The following CSNK1A1 variants were observed in gnomAD, a reference collection of about 807,000 sequenced individuals.
CSNK1A1 encodes the protein casein kinase 1 alpha 1.
In CSNK1A1, 7 loss-of-function variants were observed where a neutral mutation model predicts 46.1. The ratio of observed to expected loss-of-function variants is 0.15; its 90% CI spans 0.09 to 0.29. The LOEUF is 0.29. CSNK1A1 is among the 10% of genes least tolerant of loss of function. The pLI is 1.00. For synonymous variants in CSNK1A1, 137 were observed against 141.5 expected, an observed-to-expected ratio of 0.97 and a Z score of 0.23; for missense variants, 96 against 417.1, an observed-to-expected ratio of 0.23 and a Z score of 6.71.
intron 2 of CSNK1A1, among the ~76,000 whole-genome samples, chr5:149,542,659 TA>T (rs1561772745): frequency 0.016 from 304 of 18,518 alleles, 49 homozygotes; most frequent in Non-Finnish European, 0.02. Flanking sequence ...TATATATATA[TA>T]TATATATATA....
At chr5:149,522,153 G>A (rs1761591287) in intron 3 of CSNK1A1, among the ~76,000 whole-genome samples, 1 of 151,958 alleles carries the variant, frequency 6.6e-6, no homozygotes, top group Admixed American at 6.6e-5. Context: ...TGTCACCCTG[G>A]CTGGGGTGCA....
intron 5 of CSNK1A1, among the ~76,000 whole-genome samples, chr5:149,512,457 T>A (rs944819406): frequency 2.6e-5 from 4 of 152,280 alleles, no homozygotes; most frequent in Admixed American, 2.6e-4. Flanking sequence ...TGGAGGCATA[T>A]CATTGTTTTT....
chr5:149,516,305 C>G (rs1761401302), intron 4 of CSNK1A1, among the ~76,000 whole-genome samples: 1 of 151,768 alleles, frequency 6.6e-6, no homozygotes, highest in Non-Finnish European at 1.5e-5. Context: ...GCCTGGGCAA[C>G]AGAGTGAAAC....
chr5:149,551,084 G>T lies in CSNK1A1; in HGVS notation c.-120C>A. ...GGAGGGCGGCAGGAAACGGAACACG[G>T]AGGCCTTTACCGGGGTTCGGGGCCC... On this transcript the variant is annotated 5_prime_UTR_variant, in exon 1 of 10. Transcript: ENST00000377843. The T allele has an allele frequency of 3.5e-6, 4 of 1,140,602 alleles. No homozygotes were observed. In the Admixed American group the frequency reaches 8.6e-5, roughly 24 times the overall value. The allele number at this position is 1,140,602 out of a possible 1,614,324, so 70.7% of individuals were successfully genotyped here.
At chr5:149,509,704 G>A (rs558037814) in intron 7 of CSNK1A1, among the ~76,000 whole-genome samples, 175 bp downstream of exon 7, 14 of 152,058 alleles carry the variant, frequency 9.2e-5, no homozygotes, top group Middle Eastern at 3.4e-3. Flanking sequence ...GTGCCCAGCC[G>A]GATCATTTAT....
intron 9 of CSNK1A1, chr5:149,504,381 C>T (rs1760963301): frequency 2.0e-6 from 2 of 977,496 alleles, no homozygotes; most frequent in South Asian, 9.5e-5. Flanking sequence ...AAATACAACA[C>T]TAAAAATGTG....
chr5:149,534,482 C>CAAAAAAA (rs10597922), intron 2 of CSNK1A1, among the ~76,000 whole-genome samples: 11 of 94,984 alleles, frequency 1.2e-4, no homozygotes, highest in African/African-American at 4.2e-4. Context: ...GACTCTGTCT[C>CAAAAAAA]AAAAAAAAAA....
chr5:149,510,182 G>C (rs1464914721), intron 6 of CSNK1A1, among the ~76,000 whole-genome samples: 3 of 152,230 alleles, frequency 2.0e-5, no homozygotes, highest in African/African-American at 4.8e-5. Flanking sequence ...GGGAAAGGGT[G>C]AGTCTAATAG....
At chr5:149,544,759 A>ATG (rs1762415114) in intron 2 of CSNK1A1, among the ~76,000 whole-genome samples, 1 of 75,260 alleles carries the variant, frequency 1.3e-5, no homozygotes, top group Admixed American at 2.1e-4. Flanking sequence ...ATATATATAT[A>ATG]TATATAGTTA....
chr5:149,515,042 T>C (rs575165155), intron 4 of CSNK1A1, among the ~76,000 whole-genome samples: 2 of 152,290 alleles, frequency 1.3e-5, no homozygotes, highest in South Asian at 4.1e-4. Context: ...GCAAAATACA[T>C]TTGTTAAGCA....
At chr5:149,516,001 G>T (rs1230991580) in intron 4 of CSNK1A1, among the ~76,000 whole-genome samples, 1 of 152,136 alleles carries the variant, frequency 6.6e-6, no homozygotes, top group African/African-American at 2.4e-5. Flanking sequence ...ATTCTTCAAA[G>T]GCACAGGGAA....
chr5:149,542,219 T>A (rs1036885292), intron 2 of CSNK1A1, among the ~76,000 whole-genome samples: 1 of 151,968 alleles, frequency 6.6e-6, no homozygotes, highest in African/African-American at 2.4e-5. Context: ...GGTTGTGCAT[T>A]CCTTATGAGA....
At position 149,511,885 on chromosome 5, in the gene CSNK1A1, AC is replaced by A. The variant is rs1285995409; in HGVS notation, c.597-14del. ...GTCATCTCGGCGACTAGAAAAGAGA[AC>A]GTAATTTTATAAACTGGAACTATTA... On this transcript the variant is annotated splice_polypyrimidine_tract_variant and intron_variant, in intron 5 of 9. Transcript: ENST00000377843. 2.5e-6 allele frequency: 4 copies of A among 1,585,336 alleles called. No homozygotes were observed. In the Admixed American group the frequency reaches 5.2e-5, roughly 21 times the overall value.
chr5:149,505,220 TAC>T (rs1760984980), intron 9 of CSNK1A1: 2 of 1,193,958 alleles, frequency 1.7e-6, no homozygotes. Flanking sequence ...GATATAAATA[TAC>T]ACACATATAT....
At position 149,495,991 on chromosome 5, in the gene CSNK1A1, AAC is replaced by A. The variant is rs1298133267; in HGVS notation, c.*860_*861del. ...AAAAAAAATCTCATTTCCTTACAGA[AAC>A]AGTTTTTAGTTTTTAATGAACTTGT... On this transcript the variant is annotated 3_prime_UTR_variant, in exon 10 of 10. Coordinates refer to ENST00000377843, the MANE Select transcript of CSNK1A1 (RefSeq NM_001892.6). 2 of 152,584 alleles carry A rather than the reference AAC, an allele frequency of 1.3e-5. No individual in the cohort carries two copies. The highest frequency in any genetic ancestry group is 2.1e-4 in the South Asian group (1 of 4,832). The allele number at this position is 152,584 out of a possible 1,614,324, so 9.5% of individuals were successfully genotyped here.
rs535437846 is a variant in CSNK1A1, at chr5:149,516,645, TG to T, written c.457-3437del. Among the ~76,000 whole-genome samples, 100 of 152,268 alleles carry T rather than the reference TG, an allele frequency of 6.6e-4. No individual in the cohort carries two copies. In the South Asian group the frequency reaches 7.9e-3, roughly 12 times the overall value. The stretch of plus-strand genomic sequence containing the variant: ...ACGAAATGTAAGCAAAATATGTGAA[TG>T]GGTAAGTAAAAATGAGGCACTATAA... On this transcript the variant is annotated intron_variant, in intron 4 of 9. Transcript: ENST00000377843.
intron 2 of CSNK1A1, among the ~76,000 whole-genome samples, chr5:149,545,194 AG>A (rs1290279530): frequency 9.9e-5 from 15 of 151,940 alleles, no homozygotes; most frequent in Non-Finnish European, 1.5e-4. Context: ...GCACTGTTCA[AG>A]GGTCAACTGT....
intron 2 of CSNK1A1, among the ~76,000 whole-genome samples, chr5:149,537,125 C>T (rs1762081221): frequency 6.6e-6 from 1 of 152,142 alleles, no homozygotes; most frequent in Non-Finnish European, 1.5e-5. Context: ...CCTGTAATCC[C>T]AGTACTTTGG....
intron 4 of CSNK1A1, among the ~76,000 whole-genome samples, chr5:149,518,912 T>C (rs968920397): frequency 6.6e-6 from 1 of 151,942 alleles, no homozygotes; most frequent in Non-Finnish European, 1.5e-5. Flanking sequence ...ATAATGGGTT[T>C]TTAGGGGGTA....
Sources: gnomAD v4.1 joint callset for allele counts (sites outside exome capture counted in the v4.1 genomes callset) on GRCh38, gnomAD v4.1.1 for gene constraint, MANE v1.5 for transcripts, NCBI Gene and HGNC (gene_info 2026-07-23, HGNC 2026-07-21) for gene names.